The following NIPSNAP3A variants were observed in gnomAD, a reference collection of about 807,000 sequenced individuals.
NIPSNAP3A encodes protein NipSnap homolog 3A.
In NIPSNAP3A, 27 loss-of-function variants were observed where a neutral mutation model predicts 32.3. The ratio of observed to expected loss-of-function variants is 0.84; its 90% confidence interval spans 0.62 to 1.15. The LOEUF (loss-of-function observed/expected upper bound fraction) is 1.15, where lower values mean the gene tolerates loss of function less well. Among genes scored for constraint, NIPSNAP3A ranks in the 50% most tolerant of loss-of-function variants. The pLI, the probability that NIPSNAP3A is intolerant of heterozygous loss-of-function variation, is 0.00. For missense variants in NIPSNAP3A, 278 were observed against 297.2 expected, an observed-to-expected ratio of 0.94 and a Z score of 0.48; for synonymous variants, 108 against 107.3, an observed-to-expected ratio of 1.01 and a Z score of -0.04.
chr9:104,754,321 T>A, intron 3 of NIPSNAP3A: 1 of 415,742 alleles, frequency 2.4e-6, no homozygotes, highest in Non-Finnish European at 4.3e-6. Context: ...TCCAGTTCTT[T>A]TTCTTTGTCA....
intron 1 of NIPSNAP3A, among the ~76,000 whole-genome samples, chr9:104,748,385 G>C (rs1181666817): frequency 6.6e-6 from 1 of 152,120 alleles, no homozygotes; most frequent in South Asian, 2.1e-4. Context: ...CCCTTGAAGA[G>C]GAGGCCCAGG....
intron 4 of NIPSNAP3A, among the ~76,000 whole-genome samples, chr9:104,758,567 A>G (rs1165592132): frequency 6.6e-6 from 1 of 152,154 alleles, no homozygotes; most frequent in Non-Finnish European, 1.5e-5. Context: ...CAATTTGATT[A>G]ATTTATCAAT....
chr9:104,759,428 A>G lies in NIPSNAP3A; in HGVS notation c.*90A>G, dbSNP rs1220841228. The G allele has an allele frequency of 7.6e-7, 1 of 1,318,964 alleles. No homozygotes were observed. The highest frequency in any genetic ancestry group is 2.4e-5 in the East Asian group (1 of 42,208). 81.7% of individuals were successfully genotyped at this position (1,318,964 alleles called of 1,614,324 possible). A position where few individuals can be genotyped will look rare whatever the true frequency, so the allele number is the denominator to read the frequency against. On this transcript the variant is annotated 3_prime_UTR_variant, in exon 6 of 6. Coordinates refer to ENST00000374767, the MANE Select transcript of NIPSNAP3A (RefSeq NM_015469.3). Reference sequence around the variant, plus strand: ...ATTCTCCCAAGAGGTTCTCACTTTTATTTGAAGGAGGTGTTAAGTTAATTT... The same window carrying G: ...ATTCTCCCAAGAGGTTCTCACTTTTGTTTGAAGGAGGTGTTAAGTTAATTT...
chr9:104,750,961 C>G lies in NIPSNAP3A; in HGVS notation c.66C>G (p.Cys22Trp), dbSNP rs2118749941. The G allele has an allele frequency of 1.9e-6, 3 of 1,610,296 alleles. No individual in the cohort carries two copies. In the East Asian group the frequency reaches 6.7e-5, roughly 36 times the overall value. Residue 22 changes from cysteine (C) to tryptophan (W), a missense_variant, in exon 2 of 6, where the codon TGC becomes TGG. By Grantham distance (215) the Cys-to-Trp change is radical (BLOSUM62 -2). Coordinates refer to ENST00000374767, the MANE Select transcript of NIPSNAP3A (RefSeq NM_015469.3). ...LASRTLAPQM[C>W]SSFATGPRQY... is the part of the protein sequence containing the mutation. ...ATTTGTCTTATCTTCTTCAGATGTG[C>G]TCATCTTTTGCTACGGGACCCAGAC...
intron 1 of NIPSNAP3A, among the ~76,000 whole-genome samples, chr9:104,749,611 A>G (rs144953955): frequency 6.6e-6 from 1 of 152,356 alleles, no homozygotes; most frequent in Non-Finnish European, 1.5e-5. Context: ...AGATGGATTT[A>G]TAAGAATATC....
At chr9:104,752,795 C>T in intron 2 of NIPSNAP3A, 111 bp from the exon 3 acceptor site, 1 of 912,208 alleles carries the variant, frequency 1.1e-6, no homozygotes, top group South Asian at 1.5e-5. Flanking sequence ...AGGCCTAACA[C>T]AAGGTTCTTA....
intron 5 of NIPSNAP3A, 21 bp downstream of exon 5, chr9:104,759,192 T>G: frequency 6.2e-7 from 1 of 1,613,880 alleles, no homozygotes; most frequent in Admixed American, 1.7e-5. Context: ...TGACTAGGCA[T>G]GAATTATTTT....
intron 4 of NIPSNAP3A, among the ~76,000 whole-genome samples, chr9:104,754,994 A>T (rs1400021284): frequency 6.6e-6 from 1 of 152,056 alleles, no homozygotes; most frequent in Non-Finnish European, 1.5e-5. Context: ...TAATCCCAGC[A>T]CTTTTGGAGG....
At position 104,754,603 on chromosome 9, in the gene NIPSNAP3A, G is replaced by T. The variant is rs1827884145; in HGVS notation, c.483G>T (p.Trp161Cys). 1 of 1,613,920 alleles carries T rather than the reference G, an allele frequency of 6.2e-7. No individual in the cohort carries two copies. Among genetic ancestry groups the T allele is most frequent in the South Asian group, 1.1e-5 (1 of 91,084 alleles). Residue 161 changes from tryptophan to cysteine, a missense_variant, in exon 4 of 6, where the codon TGG becomes TGT. Trp to Cys is a radical substitution (Grantham distance 215). Coordinates refer to ENST00000374767, the MANE Select transcript of NIPSNAP3A (RefSeq NM_015469.3). Reference sequence around the variant, plus strand: ...TGAAACCTGGTGGGCCAGCTCTGTGGGGTGATGCATTTAAAAGGGCAGTTC... The same window carrying T: ...TGAAACCTGGTGGGCCAGCTCTGTGTGGTGATGCATTTAAAAGGGCAGTTC... ...FQMKPGGPALWGDAFKRAVHA... is the reference protein window; with the variant it reads ...FQMKPGGPALCGDAFKRAVHA...
At chr9:104,754,315 G>A (rs1297129545) in intron 3 of NIPSNAP3A, 1 of 404,642 alleles carries the variant, frequency 2.5e-6, no homozygotes, top group Non-Finnish European at 4.4e-6. Flanking sequence ...ATAGCTTCCA[G>A]TTCTTTTTCT....
chr9:104,748,143 C>T (rs886263831), intron 1 of NIPSNAP3A, among the ~76,000 whole-genome samples: 10 of 152,170 alleles, frequency 6.6e-5, no homozygotes, highest in African/African-American at 2.2e-4. Context: ...GGGACACTCC[C>T]ATGGCGCCGG....
rs531250230 is a variant in NIPSNAP3A at position 104,752,821 on chromosome 9, C to T, written c.272-85C>T. ...AAGGTTCTTATATGGCATCAATGAC[C>T]ATTGCTGATGTGAATGAAACCCAGA... On this transcript the variant is annotated intron_variant, in intron 2 of 5. Coordinates refer to ENST00000374767, the MANE Select transcript of NIPSNAP3A (RefSeq NM_015469.3). 9.7e-5 allele frequency: 108 copies of T among 1,114,922 alleles called. 3 individuals are homozygous for T. In the South Asian group the frequency reaches 1.2e-3, roughly 12 times the overall value. 69.1% of individuals were successfully genotyped at this position (1,114,922 alleles called of 1,614,324 possible). A position where few individuals can be genotyped will look rare whatever the true frequency, so the allele number is the denominator to read the frequency against.
At chr9:104,758,246 T>G (rs1239894117) in intron 4 of NIPSNAP3A, among the ~76,000 whole-genome samples, 1 of 152,212 alleles carries the variant, frequency 6.6e-6, no homozygotes, top group Non-Finnish European at 1.5e-5. Flanking sequence ...AACTTGTTAC[T>G]AAGCTAAATC....
intron 1 of NIPSNAP3A, among the ~76,000 whole-genome samples, chr9:104,748,965 C>T (rs975213710): frequency 1.3e-5 from 2 of 152,086 alleles, no homozygotes; most frequent in African/African-American, 4.8e-5. Flanking sequence ...AACTCCCATC[C>T]GGCTCCCCCA....
Position 104,759,572 on chromosome 9 carries a change from C to T in NIPSNAP3A, c.*234C>T. ...TCTGTCATACATTAAAAATACTTGT[C>T]ACTGTTTTAAGATCTTGACTCTTCA... is the stretch of plus-strand genomic sequence containing the variant. On this transcript the variant is annotated 3_prime_UTR_variant, in exon 6 of 6. Coordinates refer to ENST00000374767, the MANE Select transcript of NIPSNAP3A (RefSeq NM_015469.3). 2.0e-6 allele frequency: 1 copy of T among 509,412 alleles called. No homozygotes were observed. Among genetic ancestry groups the T allele is most frequent in the South Asian group, 2.1e-5 (1 of 46,954 alleles). The allele number at this position is 509,412 out of a possible 1,614,324, so 31.6% of individuals were successfully genotyped here. A position where few individuals can be genotyped will look rare whatever the true frequency, so the allele number is the denominator to read the frequency against.
rs1241571493 is a variant in NIPSNAP3A, at chr9:104,747,832, T to C, written c.40T>C (p.Ser14Pro). 2 of 1,608,618 alleles carry C rather than the reference T, an allele frequency of 1.2e-6. No individual in the cohort carries two copies. Among genetic ancestry groups the C allele is most frequent in the Non-Finnish European group, 1.7e-6 (2 of 1,178,930 alleles). The change falls in exon 1 of 6, where the codon TCA (serine) becomes CCA (proline). Residue 14 changes from serine to proline, a missense_variant. By Grantham distance (74) the Ser-to-Pro change is moderately conservative. Transcript: ENST00000374767. ...AAGCGCCCTGACTCGGGCGCTGGCC[T>C]CACGGACGCTGGCGCCTCAGGTACC... ...LRSALTRALASRTLAPQMCSS... is the reference protein window; with the variant it reads ...LRSALTRALAPRTLAPQMCSS...
intron 1 of NIPSNAP3A, among the ~76,000 whole-genome samples, chr9:104,749,785 A>T (rs1477825299): frequency 2.0e-5 from 3 of 152,242 alleles, no homozygotes; most frequent in Non-Finnish European, 4.4e-5. Context: ...AGAAATTTAC[A>T]GTGCGTGTAT....
At chr9:104,755,582 A>G (rs1324915560) in intron 4 of NIPSNAP3A, among the ~76,000 whole-genome samples, 3 of 152,210 alleles carry the variant, frequency 2.0e-5, no homozygotes, top group Non-Finnish European at 4.4e-5. Flanking sequence ...CAGAATTTCA[A>G]GATTTTTTGT....
At chr9:104,749,538 CT>C (rs1355029365) in intron 1 of NIPSNAP3A, among the ~76,000 whole-genome samples, 2 of 152,172 alleles carry the variant, frequency 1.3e-5, no homozygotes, top group African/African-American at 4.8e-5. Flanking sequence ...TCAAAACTGT[CT>C]TCACAGATTA....
Sources: gnomAD v4.1 joint callset for allele counts (sites outside exome capture counted in the v4.1 genomes callset) on GRCh38, gnomAD v4.1.1 for gene constraint, MANE v1.5 for transcripts, NCBI Gene and HGNC (gene_info 2026-07-23, HGNC 2026-07-21) for gene names.